The following FOXP2 variants were observed in gnomAD, a reference collection of about 807,000 sequenced individuals.
The protein encoded by FOXP2 is forkhead box protein P2.
FOXP2 carries 12 observed loss-of-function variants against 115.8 expected under a neutral mutation model. That is an observed-to-expected ratio of 0.10 (90% CI 0.07 to 0.17). The LOEUF (loss-of-function observed/expected upper bound fraction) is 0.17, where lower values mean the gene tolerates loss of function less well. Among genes scored for constraint, FOXP2 ranks in the 10% least tolerant of loss-of-function variants. The probability of loss-of-function intolerance (pLI) is 1.00; values close to 1 mark genes in which losing one functional copy is unlikely to be tolerated. For synonymous variants in FOXP2, 328 were observed against 297.7 expected (o/e 1.10, Z -1.05); for missense variants, 629 against 843.5 (o/e 0.75, Z 3.15).
intron 3 of FOXP2, among the ~76,000 whole-genome samples, chr7:114,593,834 C>T (rs1003542823): frequency 5.3e-5 from 8 of 151,892 alleles, no homozygotes; most frequent in Non-Finnish European, 1.2e-4. Flanking sequence ...TTCTATGCTT[C>T]ATTTTATATA....
chr7:114,536,012 A>G (rs1799375836), intron 3 of FOXP2, among the ~76,000 whole-genome samples: 1 of 151,620 alleles, frequency 6.6e-6, no homozygotes, highest in Admixed American at 6.6e-5. Flanking sequence ...GCGTAGGTGT[A>G]GTATTTCCAT....
At chr7:114,127,580 C>A (rs183126247) in intron 1 of FOXP2, among the ~76,000 whole-genome samples, 265 of 152,136 alleles carry the variant, frequency 1.7e-3, no homozygotes, top group African/African-American at 6.1e-3. Context: ...ATAATCTATA[C>A]AGAATGTAAA....
rs554049224 is a variant in FOXP2 at position 114,278,516 on chromosome 7, G to T, written c.-101-9503G>T. The stretch of plus-strand genomic sequence containing the variant: ...ATTACAGGCACCCACCACCATGCCT[G>T]GCTAATTTTTGTATTTTAGTAGAGG... On this transcript the variant is annotated intron_variant, in intron 1 of 17. Coordinates refer to the FOXP2 transcript ENST00000634411. Among the ~76,000 whole-genome samples the T allele has an allele frequency of 7.3e-4, 111 of 152,096 alleles. 1 individual carries two copies. Among genetic ancestry groups the T allele is most frequent in the African/African-American group, 2.6e-3 (108 of 41,490 alleles).
At chr7:114,596,270 A>G (rs1802700494) in intron 3 of FOXP2, among the ~76,000 whole-genome samples, 1 of 151,944 alleles carries the variant, frequency 6.6e-6, no homozygotes, top group Non-Finnish European at 1.5e-5. Flanking sequence ...TGCTTCTTGG[A>G]AATCTGGAGT....
chr7:114,686,461 C>T (rs1001062497), intron 16 of FOXP2, among the ~76,000 whole-genome samples: 1 of 152,224 alleles, frequency 6.6e-6, no homozygotes, highest in Non-Finnish European at 1.5e-5. Flanking sequence ...GAGTGAGCCA[C>T]AGCGCCTGGC....
At chr7:114,565,838 G>A (rs1256925814) in intron 3 of FOXP2, among the ~76,000 whole-genome samples, 2 of 152,096 alleles carry the variant, frequency 1.3e-5, no homozygotes, top group African/African-American at 2.4e-5. Context: ...TCTGAGATAC[G>A]TAATCTCTGG....
intron 1 of FOXP2, among the ~76,000 whole-genome samples, chr7:114,114,404 ACCACG>A (rs1421241727): frequency 2.6e-5 from 4 of 152,002 alleles, no homozygotes; most frequent in African/African-American, 9.7e-5. Flanking sequence ...TAGATCCTTG[ACCACG>A]TTCCAGCAAC....
chr7:114,393,250 C>T (rs181070744), intron 2 of FOXP2, among the ~76,000 whole-genome samples: 16 of 152,170 alleles, frequency 1.1e-4, no homozygotes, highest in East Asian at 9.7e-4. Context: ...AAAATAACAA[C>T]GACTCCTCAT....
intron 1 of FOXP2, among the ~76,000 whole-genome samples, chr7:114,107,510 T>C (rs1237662893): frequency 1.3e-5 from 2 of 151,930 alleles, no homozygotes; most frequent in Non-Finnish European, 1.5e-5. Context: ...CACTCATGTC[T>C]CTCCCCTCCC....
At chr7:114,334,931 CTATATATATATATATATA>C (rs144511332) in intron 2 of FOXP2, among the ~76,000 whole-genome samples, 6 of 119,334 alleles carry the variant, frequency 5.0e-5, no homozygotes, top group African/African-American at 1.5e-4. Context: ...ATATAGAAAT[CTATATATATATATATATA>C]TATATATATA....
intron 16 of FOXP2, among the ~76,000 whole-genome samples, chr7:114,676,075 A>ATTTTTTTTTTTTTTTTTT (rs11327459): frequency 6.7e-5 from 6 of 89,564 alleles, no homozygotes; most frequent in African/African-American, 2.0e-4. Flanking sequence ...AGGCCCGGCT[A>ATTTTTTTTTTTTTTTTTT]TTTTTTTTTT....
At chr7:114,301,380 C>T (rs1467077679) in intron 2 of FOXP2, among the ~76,000 whole-genome samples, 1 of 152,116 alleles carries the variant, frequency 6.6e-6, no homozygotes, top group Admixed American at 6.6e-5. Flanking sequence ...TTGAAAGATG[C>T]AATGGCATTC....
rs1233216156 is a variant in FOXP2 at position 114,313,738 on chromosome 7, C to T, written c.-11+25629C>T. The stretch of plus-strand genomic sequence containing the variant: ...CCAGCCTGGGCGACAGAGCGAGACT[C>T]CGTCTCAAAAAAAAAAAAAAAAAAC... On this transcript the variant is annotated intron_variant, in intron 2 of 17. Transcript: ENST00000634411. Among the ~76,000 whole-genome samples, 2 of 47,594 alleles carry T rather than the reference C, an allele frequency of 4.2e-5. 1 individual carries two copies. Among genetic ancestry groups the T allele is most frequent in the East Asian group, 1.1e-3 (2 of 1,752 alleles). The allele number at this position is 47,594 out of a possible 152,430, so 31.2% of individuals were successfully genotyped here. A position where few individuals can be genotyped will look rare whatever the true frequency, so the allele number is the denominator to read the frequency against.
intron 6 of FOXP2, among the ~76,000 whole-genome samples, chr7:114,642,151 C>T (rs1805570845): frequency 6.6e-6 from 1 of 151,868 alleles, no homozygotes; most frequent in Admixed American, 6.6e-5. Flanking sequence ...TTTTTTAATG[C>T]TTGATATTAT....
chr7:114,545,713 T>C (rs1178959908), intron 3 of FOXP2, among the ~76,000 whole-genome samples: 1 of 152,186 alleles, frequency 6.6e-6, no homozygotes, highest in Non-Finnish European at 1.5e-5. Flanking sequence ...AAACTACTTA[T>C]AGTTACTCAA....
upstream of FOXP2, among the ~76,000 whole-genome samples, chr7:114,410,442 T>C (rs1438120590): frequency 6.6e-6 from 1 of 152,098 alleles, no homozygotes; most frequent in Non-Finnish European, 1.5e-5. Flanking sequence ...GAACTTAAAA[T>C]ATGGGAGTCC....
rs749089803 is a variant in FOXP2, at chr7:114,691,093, C to T, written c.*1167C>T. The T allele has an allele frequency of 3.3e-5, 15 of 453,984 alleles. No individual in the cohort carries two copies. The highest frequency in any genetic ancestry group is 1.4e-4 in the South Asian group (9 of 64,474). 28.1% of individuals were successfully genotyped at this position (453,984 alleles called of 1,614,324 possible). A position where few individuals can be genotyped will look rare whatever the true frequency, so the allele number is the denominator to read the frequency against. The stretch of plus-strand genomic sequence containing the variant: ...AACAAATGTGGATCACTGACCAAAA[C>T]GATTATGTACTTGATGCAAATGCAG... On this transcript the variant is annotated 3_prime_UTR_variant, in exon 17 of 17. Coordinates refer to ENST00000350908, the MANE Select transcript of FOXP2 (RefSeq NM_014491.4).
chr7:114,498,006 C>T (rs1192844480), intron 2 of FOXP2, among the ~76,000 whole-genome samples: 1 of 152,074 alleles, frequency 6.6e-6, no homozygotes, highest in Non-Finnish European at 1.5e-5. Flanking sequence ...TATTTGTCCC[C>T]AAGTCCTGTA....
chr7:114,684,151 G>T (rs950441882), intron 16 of FOXP2, among the ~76,000 whole-genome samples: 2 of 152,064 alleles, frequency 1.3e-5, no homozygotes, highest in African/African-American at 4.8e-5. Context: ...GCTTCTATGT[G>T]CTTGTTTCTA....
Sources: gnomAD v4.1 joint callset for allele counts (sites outside exome capture counted in the v4.1 genomes callset) on GRCh38, gnomAD v4.1.1 for gene constraint, MANE v1.5 for transcripts, NCBI Gene and HGNC (gene_info 2026-07-23, HGNC 2026-07-21) for gene names.